Variants in SEC31A observed in about 807,000 individuals in gnomAD.
SEC31A encodes SEC31 homolog A, COPII component.
In SEC31A, 70 loss-of-function variants were observed where a neutral mutation model predicts 151.0. That is an observed-to-expected ratio of 0.46 (90% CI 0.38 to 0.57). The LOEUF is 0.57. Among genes scored for constraint, SEC31A ranks in the 20% least tolerant of loss-of-function variants. SEC31A has a pLI of 0.00. For missense variants in SEC31A, 1,330 were observed against 1,471.2 expected (o/e 0.90, Z 1.57); for synonymous variants, 475 against 505.9 (o/e 0.94, Z 0.82).
Position 82,896,920 on chromosome 4 carries a change from C to T in SEC31A, c.-2+2793G>A, listed in dbSNP as rs567161939. Among the ~76,000 whole-genome samples, 12 of 152,272 alleles carry T rather than the reference C, an allele frequency of 7.9e-5. No homozygotes were observed. The East Asian group carries it at 1.7e-3, about 22-fold the overall frequency. On this transcript the variant is annotated intron_variant, in intron 3 of 28. Coordinates refer to the SEC31A transcript ENST00000355196. The stretch of plus-strand genomic sequence containing the variant: ...AATACATTTTACTAAATACTTGCTA[C>T]TCTTTTCCTTCTGCTGCTTCCACCC...
chr4:82,820,960 G>C (rs1723180880), intron 26 of SEC31A, 77 bp downstream of exon 26: 1 of 1,203,098 alleles, frequency 8.3e-7, no homozygotes, highest in Non-Finnish European at 1.2e-6. Context: ...TACTAAATGG[G>C]AGTGCTGATA....
At chr4:82,866,114 G>C (rs28842294) in intron 10 of SEC31A, among the ~76,000 whole-genome samples, 2 of 149,114 alleles carry the variant, frequency 1.3e-5, no homozygotes, top group Non-Finnish European at 3.0e-5. Flanking sequence ...AGGGAGGGAG[G>C]GAGGGAAAGA....
intron 17 of SEC31A, among the ~76,000 whole-genome samples, chr4:82,854,310 C>T (rs1732119544): frequency 6.7e-6 from 1 of 150,216 alleles, no homozygotes; most frequent in Non-Finnish European, 1.5e-5. Flanking sequence ...TTGCAGTGAG[C>T]CAAGATTGTG....
chr4:82,890,203 A>G (rs1742001014), intron 1 of SEC31A, among the ~76,000 whole-genome samples: 2 of 4,502 alleles, frequency 4.4e-4, no homozygotes, highest in Admixed American at 2.5e-3. Flanking sequence ...CTCCGTCTCA[A>G]AAAAAAAAAA....
chr4:82,842,269 G>T lies in SEC31A; in HGVS notation c.2839C>A (p.Pro947Thr), dbSNP rs201869730. The T allele has an allele frequency of 1.0e-4, 166 of 1,614,058 alleles. No individual in the cohort carries two copies. In the East Asian group the frequency reaches 3.5e-3, roughly 34 times the overall value. The change falls in exon 22 of 27, where the codon CCT becomes ACT. Residue 947 changes from proline to threonine, a missense_variant. By Grantham distance (38) the Pro-to-Thr change is conservative (BLOSUM62 -1). Coordinates refer to ENST00000395310, the MANE Select transcript of SEC31A (RefSeq NM_001077207.4). Reference protein sequence around the residue: ...SSPATSFPPPPSSGASFQHGG... With the variant: ...SSPATSFPPPTSSGASFQHGG... Reference sequence around the variant, plus strand: ...TGCTGGAAGGATGCTCCAGAGGAAGGGGGAGGAGGGAAAGAAGTAGCAGGG... The same window carrying T: ...TGCTGGAAGGATGCTCCAGAGGAAGTGGGAGGAGGGAAAGAAGTAGCAGGG...
intron 20 of SEC31A, among the ~76,000 whole-genome samples, chr4:82,846,366 C>CTA: frequency 7.1e-6 from 1 of 140,538 alleles, no homozygotes; most frequent in Admixed American, 7.2e-5. Flanking sequence ...AACTCCAAAA[C>CTA]ATAATAATAA....
chr4:82,849,955 A>G (rs1317162353), intron 19 of SEC31A, among the ~76,000 whole-genome samples: 1 of 152,162 alleles, frequency 6.6e-6, no homozygotes, highest in Non-Finnish European at 1.5e-5. Flanking sequence ...TGTTTTAGGC[A>G]TATTTTATTT....
chr4:82,864,066 T>C (rs1017860855), intron 11 of SEC31A, among the ~76,000 whole-genome samples: 2 of 152,210 alleles, frequency 1.3e-5, no homozygotes, highest in African/African-American at 2.4e-5. Context: ...GTAAACTCTA[T>C]GTACTCATCT....
At position 82,827,403 on chromosome 4, in the gene SEC31A, C is replaced by T. The variant is rs750629268; in HGVS notation, c.3257G>A (p.Gly1086Asp). The T allele has an allele frequency of 6.2e-7, 1 of 1,614,202 alleles. No individual in the cohort carries two copies. The highest frequency in any genetic ancestry group is 8.5e-7 in the Non-Finnish European group (1 of 1,180,024). The part of the protein sequence containing the change: ...PPSFSKPNIE[G>D]APGAPIGNTF... Reference sequence around the variant, plus strand: ...ATTTCCAATAGGAGCCCCTGGGGCACCTTCAATATTGGGCTTTGAAAAAGA... The same window carrying T: ...ATTTCCAATAGGAGCCCCTGGGGCATCTTCAATATTGGGCTTTGAAAAAGA... Residue 1086 changes from glycine (G) to aspartate (D), a missense_variant, in exon 24 of 27, where the codon GGT becomes GAT. Transcript: ENST00000395310.
rs114195369 is a variant in SEC31A, at chr4:82,825,410, C to G, written c.3292-736G>C. 7.6e-3 allele frequency among the ~76,000 whole-genome samples: 1,154 copies of G among 152,032 alleles called. 18 individuals are homozygous for G. The highest frequency in any genetic ancestry group is 0.026 in the African/African-American group (1,096 of 41,456). Reference sequence around the variant, plus strand: ...AAATAGCAACTGCAGTACGTTAACACGTAGTGGAAACAAAAGATGCTATAA... The same window carrying G: ...AAATAGCAACTGCAGTACGTTAACAGGTAGTGGAAACAAAAGATGCTATAA... On this transcript the variant is annotated intron_variant, in intron 24 of 26. Transcript: ENST00000395310.
upstream of SEC31A, chr4:82,894,418 G>A (rs1719973606): frequency 6.6e-6 from 1 of 152,186 alleles, no homozygotes; most frequent in African/African-American, 2.4e-5. Flanking sequence ...TGATCTGGGT[G>A]CAATGGTTTT....
intron 15 of SEC31A, 147 bp from the exon 16 acceptor site, chr4:82,857,277 C>T: frequency 1.5e-6 from 1 of 683,586 alleles, no homozygotes; most frequent in Non-Finnish European, 2.5e-6. Flanking sequence ...TAATTTCTAA[C>T]ACAAGCTATT....
At chr4:82,879,392 T>TTA in intron 3 of SEC31A, among the ~76,000 whole-genome samples, 1 of 139,330 alleles carries the variant, frequency 7.2e-6, no homozygotes, top group East Asian at 2.1e-4. Context: ...AAAGGGGGGG[T>TTA]CACTAACAAG....
chr4:82,822,286 A>C (rs1578098457), intron 25 of SEC31A, among the ~76,000 whole-genome samples: 1 of 152,098 alleles, frequency 6.6e-6, no homozygotes, highest in East Asian at 1.9e-4. Context: ...TGCTATGAAG[A>C]AAAGTTAATA....
chr4:82,837,199 A>ATATATAT (rs56888042), intron 22 of SEC31A, among the ~76,000 whole-genome samples: 5,770 of 82,910 alleles, frequency 0.07, 1,011 homozygotes, highest in Non-Finnish European at 0.088. Flanking sequence ...ATATATATAT[A>ATATATAT]ATTTCACCAC....
intron 24 of SEC31A, among the ~76,000 whole-genome samples, chr4:82,826,390 G>A (rs951718527): frequency 1.3e-5 from 2 of 152,192 alleles, no homozygotes; most frequent in Admixed American, 6.5e-5. Flanking sequence ...GTCTCGCTCT[G>A]TCGTCCAGGC....
chr4:82,878,205 C>G (rs1237629480), intron 4 of SEC31A, among the ~76,000 whole-genome samples: 1 of 151,920 alleles, frequency 6.6e-6, no homozygotes. Context: ...AGACTTAAAC[C>G]TATTAGCCAG....
chr4:82,829,995 T>C (rs963353278), intron 22 of SEC31A, among the ~76,000 whole-genome samples: 2 of 152,238 alleles, frequency 1.3e-5, no homozygotes, highest in Admixed American at 1.3e-4. Flanking sequence ...TATGTATATA[T>C]GTAAAGACAA....
Position 82,874,600 on chromosome 4 carries a change from C to A in SEC31A, c.639+11G>T. On this transcript the variant is annotated intron_variant, in intron 6 of 26. Transcript: ENST00000395310. ...TACAACATGTTCATCACAAGTCAATCACATACTTACTCTGTTACTATGGTC... is the reference window on the plus strand; with the variant it reads ...TACAACATGTTCATCACAAGTCAATAACATACTTACTCTGTTACTATGGTC... The A allele has an allele frequency of 6.3e-7, 1 of 1,592,346 alleles. No individual in the cohort carries two copies. Among genetic ancestry groups the A allele is most frequent in the African/African-American group, 1.4e-5 (1 of 73,950 alleles).
Sources: allele counts gnomAD v4.1 joint callset (sites outside exome capture counted in the v4.1 genomes callset), GRCh38; gene constraint gnomAD v4.1.1; transcripts MANE v1.5; gene names NCBI Gene and HGNC (gene_info 2026-07-23, HGNC 2026-07-21).